The following TSPOAP1 variants were observed in gnomAD, a reference collection of about 807,000 sequenced individuals.
TSPOAP1 encodes the protein TSPO associated protein 1.
In TSPOAP1, 87 loss-of-function variants were observed where a neutral mutation model predicts 197.0. The ratio of observed to expected loss-of-function variants is 0.44; its 90% CI spans 0.37 to 0.53. The LOEUF (loss-of-function observed/expected upper bound fraction) is 0.53. TSPOAP1 is among the 20% of genes least tolerant of loss of function. The pLI is 0.00. For missense variants in TSPOAP1, 2,174 were observed against 2,411.3 expected (o/e 0.90, Z 2.06); for synonymous variants, 913 against 998.9 (o/e 0.91, Z 1.62).
intron 22 of TSPOAP1, 42 bp from the exon 23 acceptor site, chr17:58,307,983 C>G: frequency 6.4e-7 from 1 of 1,555,458 alleles, no homozygotes; most frequent in Non-Finnish European, 8.7e-7. Flanking sequence ...AACACACCAT[C>G]CCTCTGGTGG....
In TSPOAP1 at chr17:58,304,228, G is replaced by C; in HGVS notation, c.*32+110C>G. The C allele has an allele frequency of 1.1e-6, 1 of 914,180 alleles. No individual in the cohort carries two copies. The highest frequency in any genetic ancestry group is 1.7e-6 in the Non-Finnish European group (1 of 577,852). 56.6% of individuals were successfully genotyped at this position (914,180 alleles called of 1,614,324 possible). On this transcript the variant is annotated intron_variant, in intron 31 of 31. Coordinates refer to ENST00000343736, the MANE Select transcript of TSPOAP1 (RefSeq NM_004758.4). The surrounding 1 kb of genome is among the most constrained non-coding windows in gnomAD (Gnocchi z 4.2). ...GCAAGCTCTCCTTCGCCATTCCCTG[G>C]ACTACAGTGGGAAAGCTGGGTCAGC...
chr17:58,322,608 C>A lies in TSPOAP1; in HGVS notation c.1317+46G>T. The A allele has an allele frequency of 6.2e-7, 1 of 1,600,096 alleles. No individual in the cohort carries two copies. The highest frequency in any genetic ancestry group is 8.5e-7 in the Non-Finnish European group (1 of 1,177,090). On this transcript the variant is annotated intron_variant, in intron 9 of 31. Transcript: ENST00000343736. This position sits in a 1 kb window ranked among gnomAD's most constrained non-coding sequence, Gnocchi z 5.0. ...AATATTCTGCTGTCCCACTTGCTCC[C>A]CATGCCAGGGCCCAGCACCCTCTCC...
chr17:58,319,963 G>A (rs2285992), intron 12 of TSPOAP1, 146 bp downstream of exon 12: 110,116 of 1,072,752 alleles, frequency 0.1, 6,425 homozygotes, highest in East Asian at 0.19. Context: ...TGTCCTGTGG[G>A]AACTCCACCC....
chr17:58,320,019 A>G (rs1383917361), intron 12 of TSPOAP1, 90 bp downstream of exon 12: 3 of 1,504,260 alleles, frequency 2.0e-6, no homozygotes, highest in African/African-American at 2.8e-5. Context: ...CCTCTGCTGG[A>G]TGAGAGAGGG....
rs1286676454 is a variant in TSPOAP1 at position 58,304,356 on chromosome 17, A to G, written c.*14T>C. 9.3e-6 allele frequency: 15 copies of G among 1,613,744 alleles called. No homozygotes were observed. The highest frequency in any genetic ancestry group is 2.2e-5 in the East Asian group (1 of 44,896). ...CACTTACATGTTGCTCTCTCTACAT[A>G]TATCTATCTCCATCTAGCACTGGAC... On this transcript the variant is annotated 3_prime_UTR_variant, in exon 31 of 32. Coordinates refer to ENST00000343736, the MANE Select transcript of TSPOAP1 (RefSeq NM_004758.4). This position sits in a 1 kb window ranked among gnomAD's most constrained non-coding sequence, Gnocchi z 4.2.
intron 14 of TSPOAP1, among the ~76,000 whole-genome samples, 153 bp from the exon 15 acceptor site, chr17:58,316,693 A>G (rs2143078461): frequency 6.6e-6 from 1 of 152,360 alleles, no homozygotes; most frequent in Admixed American, 6.5e-5. Context: ...GGACCCCCTG[A>G]TGCTCTCTAA....
chr17:58,314,469 G>A (rs1315234499), intron 16 of TSPOAP1, among the ~76,000 whole-genome samples: 4 of 152,212 alleles, frequency 2.6e-5, no homozygotes, highest in Non-Finnish European at 5.9e-5. Flanking sequence ...ATGCAGAGGA[G>A]AAACACTAAG....
At chr17:58,323,651 A>C in intron 5 of TSPOAP1, 106 bp from the exon 6 acceptor site, 1 of 1,180,594 alleles carries the variant, frequency 8.5e-7, no homozygotes, top group South Asian at 1.5e-5. Flanking sequence ...TCATTCAGCC[A>C]GCAAGAGATC....
rs754322033 is a variant in TSPOAP1 at position 58,318,402 on chromosome 17, C to T, written c.1750G>A (p.Glu584Lys). The change falls in exon 14 of 32, where the codon GAG becomes AAG. Residue 584 changes from glutamate to lysine, a missense_variant. Around this residue, in one of 5 missense-constraint regions of TSPOAP1, gnomAD observed 1,933 missense variants for 2,139.0 expected, o/e 0.90. Coordinates refer to ENST00000343736, the MANE Select transcript of TSPOAP1 (RefSeq NM_004758.4). Reference sequence around the variant, plus strand: ...CCAGTGAGAGTGGCAGGGGCAGGCTCGGAAGACTTTGGGGTGCAGCGCCCA... The same window carrying T: ...CCAGTGAGAGTGGCAGGGGCAGGCTTGGAAGACTTTGGGGTGCAGCGCCCA... ...SPGRCTPKSS[E>K]PAPATLTGVP... The T allele has an allele frequency of 7.4e-6, 12 of 1,613,958 alleles. No individual in the cohort carries two copies. Among genetic ancestry groups the T allele is most frequent in the Non-Finnish European group, 1.0e-5 (12 of 1,179,966 alleles).
At position 58,325,576 on chromosome 17, in the gene TSPOAP1, C is replaced by T. The variant is rs377658149; in HGVS notation, c.708G>A (p.Arg236=). The T allele has an allele frequency of 3.1e-6, 5 of 1,613,184 alleles. No homozygotes were observed. The African/African-American group carries it at 6.7e-5, about 21-fold the overall frequency. Residue 236 remains arginine (R), a synonymous_variant, in exon 4 of 32, where the codon CGG becomes CGA. Transcript: ENST00000343736. ...GCCTGGCCTGCAGCTCCCTGCACTC[C>T]CGCTGCAAGGCAGCAATCTGCTTGT... ...AKDKQIAALQ[R]ECRELQARLT...
At chr17:58,307,799 C>A in intron 23 of TSPOAP1, 37 bp from the exon 24 acceptor site, 3 of 1,613,670 alleles carry the variant, frequency 1.9e-6, no homozygotes, top group Non-Finnish European at 2.5e-6. Flanking sequence ...ACGCAGCGAG[C>A]TCTGGCCGAG....
At chr17:58,310,451 A>G in intron 20 of TSPOAP1, 61 bp downstream of exon 20, 1 of 1,588,464 alleles carries the variant, frequency 6.3e-7, no homozygotes, top group Non-Finnish European at 8.6e-7. Context: ...TTGCGCTGGC[A>G]AAAGGTAGGG....
rs1218272427 is a variant in TSPOAP1, at chr17:58,312,163, G to A, written c.2658C>T (p.Ser886=). 2 of 1,613,130 alleles carry A rather than the reference G, an allele frequency of 1.2e-6. No individual in the cohort carries two copies. The highest frequency in any genetic ancestry group is 1.3e-5 in the African/African-American group (1 of 75,074). The change falls in exon 17 of 32, where the codon AGC becomes AGT. Residue 886 remains serine, a synonymous_variant. Transcript: ENST00000343736. ...CTGTCAACCGATGGACCCGCAGCTG[G>A]CTGGGCACCACTCCGGCCCGGGCAC... ...AVGARAGVVP[S]QLRVHRLTAT...
In TSPOAP1 at chr17:58,328,243, G is replaced by A. The variant is rs1254444692; in HGVS notation, c.-323C>T. 9.7e-6 allele frequency: 4 copies of A among 411,974 alleles called. No homozygotes were observed. Among genetic ancestry groups the A allele is most frequent in the African/African-American group, 2.0e-5 (1 of 50,302 alleles). 25.5% of individuals were successfully genotyped at this position (411,974 alleles called of 1,614,324 possible). ...CCGACAGCTGCGCCTGGGTGAGGGTGCGTGTGTGTGTCTCCAGGTCTGTCC... is the reference window on the plus strand; with the variant it reads ...CCGACAGCTGCGCCTGGGTGAGGGTACGTGTGTGTGTCTCCAGGTCTGTCC... On this transcript the variant is annotated 5_prime_UTR_variant, in exon 1 of 32. Transcript: ENST00000343736. This position sits in a 1 kb window ranked among gnomAD's most constrained non-coding sequence, Gnocchi z 4.3.
chr17:58,317,712 A>G (rs1156425123), intron 14 of TSPOAP1, among the ~76,000 whole-genome samples: 2 of 152,238 alleles, frequency 1.3e-5, no homozygotes, highest in African/African-American at 4.8e-5. Flanking sequence ...AGTGATGCCC[A>G]GGAGCTTAGT....
Position 58,322,545 on chromosome 17 carries a change from T to TCCAGGC in TSPOAP1, c.1317+103_1317+108dup. On this transcript the variant is annotated intron_variant, in intron 9 of 31. Coordinates refer to ENST00000343736, the MANE Select transcript of TSPOAP1 (RefSeq NM_004758.4). The surrounding 1 kb of genome is among the most constrained non-coding windows in gnomAD (Gnocchi z 5.0). ...CAAAGGAAACTGAGCCTGGAGCAGC[T>TCCAGGC]CCAGGCCCAGGCCTCAGAGCTAGTG... The TCCAGGC allele has an allele frequency of 6.4e-7, 1 of 1,560,824 alleles. No individual in the cohort carries two copies. Among genetic ancestry groups the TCCAGGC allele is most frequent in the Non-Finnish European group, 8.7e-7 (1 of 1,155,598 alleles).
chr17:58,312,914 A>G (rs1971117315), intron 16 of TSPOAP1, among the ~76,000 whole-genome samples, 192 bp from the exon 17 acceptor site: 1 of 152,254 alleles, frequency 6.6e-6, no homozygotes, highest in Admixed American at 6.5e-5. Context: ...AGGTCTGATA[A>G]TAGTATTTTG....
At chr17:58,312,838 T>G in intron 16 of TSPOAP1, 116 bp from the exon 17 acceptor site, 1 of 746,058 alleles carries the variant, frequency 1.3e-6, no homozygotes, top group Non-Finnish European at 2.1e-6. Context: ...CAGCATTTGA[T>G]TCAAATCAAC....
chr17:58,327,709 G>A lies in TSPOAP1; in HGVS notation c.212C>T (p.Pro71Leu). The A allele has an allele frequency of 1.2e-6, 2 of 1,614,102 alleles. No homozygotes were observed. The highest frequency in any genetic ancestry group is 1.7e-6 in the Non-Finnish European group (2 of 1,180,034). ...TCCTTCAGGGTCAGTTCCCCCCACG[G>A]GCCTGGAGCTCCCGTCTCCTTTGGG... The part of the protein sequence containing the change: ...SKPKGDGSSR[P>L]VGGTDPEGAE... The change falls in exon 1 of 32, where the codon CCC (proline) becomes CTC (leucine). Residue 71 changes from proline to leucine, a missense_variant. By Grantham distance (98) the Pro-to-Leu change is moderately conservative. Around this residue, in one of 5 missense-constraint regions of TSPOAP1, gnomAD observed 1,933 missense variants for 2,139.0 expected, o/e 0.90. Coordinates refer to ENST00000343736, the MANE Select transcript of TSPOAP1 (RefSeq NM_004758.4).
Sources: allele counts gnomAD v4.1 joint callset (sites outside exome capture counted in the v4.1 genomes callset), GRCh38; gene constraint gnomAD v4.1.1; regional missense constraint gnomAD v4.1.1; non-coding constraint Gnocchi (gnomAD v3.1); transcripts MANE v1.5; gene names NCBI Gene and HGNC (gene_info 2026-07-23, HGNC 2026-07-21).